PCGF5: variants seen among roughly 807,000 people sequenced by gnomAD.
PCGF5 encodes polycomb group ring finger 5, also known as polycomb group RING finger protein 5.
PCGF5 carries 9 observed loss-of-function variants against 44.3 expected under a neutral mutation model. The observed-to-expected ratio is 0.20, with a 90% confidence interval of 0.12 to 0.35. The LOEUF (loss-of-function observed/expected upper bound fraction) is 0.35. Among genes scored for constraint, PCGF5 ranks in the 10% least tolerant of loss-of-function variants. PCGF5 has a pLI of 1.00. For missense variants in PCGF5, 146 were observed against 305.3 expected, an observed-to-expected ratio of 0.48 and a Z score of 3.89; for synonymous variants, 95 against 102.5, an observed-to-expected ratio of 0.93 and a Z score of 0.44.
intron 7 of PCGF5, 23 bp from the exon 8 acceptor site, chr10:91,264,408 A>C: frequency 3.9e-6 from 6 of 1,537,844 alleles, no homozygotes; most frequent in Non-Finnish European, 5.3e-6. Flanking sequence ...ATGTTAATAG[A>C]TCTATAATGA....
intron 1 of PCGF5, among the ~76,000 whole-genome samples, chr10:91,168,314 G>A (rs1843536723): frequency 6.6e-6 from 1 of 152,090 alleles, no homozygotes; most frequent in Admixed American, 6.5e-5. Flanking sequence ...AGCAGGAGGG[G>A]GATGAGGAAA....
At chr10:91,161,681 T>C (rs115504314), upstream of PCGF5, among the ~76,000 whole-genome samples, 785 of 152,296 alleles carry the variant, frequency 5.2e-3, 12 homozygotes, top group African/African-American at 0.018. Context: ...GGAGGAGATA[T>C]AGAGACGCAG....
upstream of PCGF5, among the ~76,000 whole-genome samples, chr10:91,158,151 C>T (rs138063189): frequency 3.9e-5 from 6 of 152,254 alleles, no homozygotes; most frequent in African/African-American, 1.4e-4. Flanking sequence ...AAATGTGTAA[C>T]AATGAAAGTC....
At chr10:91,253,628 T>G (rs534014319) in intron 6 of PCGF5, among the ~76,000 whole-genome samples, 38 of 152,178 alleles carry the variant, frequency 2.5e-4, no homozygotes, top group African/African-American at 8.4e-4. Flanking sequence ...TGTTACTCTT[T>G]TCTTTCAACC....
intron 2 of PCGF5, among the ~76,000 whole-genome samples, chr10:91,224,049 A>G (rs1050510134): frequency 1.3e-5 from 2 of 152,178 alleles, no homozygotes; most frequent in African/African-American, 2.4e-5. Flanking sequence ...GCTAGATGGA[A>G]TAATCTGGAA....
intron 2 of PCGF5, among the ~76,000 whole-genome samples, chr10:91,238,718 T>C (rs1271292086): frequency 1.3e-5 from 2 of 150,464 alleles, no homozygotes; most frequent in Admixed American, 1.3e-4. Context: ...TCAGCTTCTC[T>C]GTCTTCTACT....
intron 1 of PCGF5, among the ~76,000 whole-genome samples, chr10:91,185,159 A>C (rs1843896204): frequency 6.6e-6 from 1 of 152,194 alleles, no homozygotes; most frequent in Non-Finnish European, 1.5e-5. Flanking sequence ...TCCTTCTGGG[A>C]ACTCTCTCCC....
At chr10:91,266,676 C>T (rs1846053997) in intron 8 of PCGF5, among the ~76,000 whole-genome samples, 1 of 152,138 alleles carries the variant, frequency 6.6e-6, no homozygotes, top group Admixed American at 6.5e-5. Context: ...ACCTGTTTCA[C>T]CCTCAGTCAT....
chr10:91,214,798 A>G (rs1844512984), intron 1 of PCGF5, among the ~76,000 whole-genome samples: 1 of 152,248 alleles, frequency 6.6e-6, no homozygotes, highest in Admixed American at 6.5e-5. Context: ...AAGGAAATGG[A>G]TCCAGAGAAA....
At chr10:91,174,066 C>T (rs530624386) in intron 1 of PCGF5, among the ~76,000 whole-genome samples, 8 of 151,220 alleles carry the variant, frequency 5.3e-5, no homozygotes, top group Non-Finnish European at 1.2e-4. Context: ...AGATTTTTCA[C>T]TGAATCCTTC....
chr10:91,248,360 C>T, intron 3 of PCGF5, 145 bp from the exon 4 acceptor site: 3 of 745,816 alleles, frequency 4.0e-6, no homozygotes, highest in Non-Finnish European at 6.7e-6. Flanking sequence ...AAGTGTGTTC[C>T]ATGGACAGAA....
intron 1 of PCGF5, among the ~76,000 whole-genome samples, chr10:91,195,554 G>A (rs930601069): frequency 4.6e-5 from 7 of 150,618 alleles, no homozygotes; most frequent in African/African-American, 1.7e-4. Context: ...GTGCAGTCAC[G>A]GCTCACTGCA....
chr10:91,275,572 C>T (rs1336326470), intron 9 of PCGF5, among the ~76,000 whole-genome samples: 4 of 150,316 alleles, frequency 2.7e-5, no homozygotes, highest in African/African-American at 9.8e-5. Context: ...TCCTTAGTAG[C>T]TGGGATTACA....
At chr10:91,187,556 G>A (rs1283278426) in intron 1 of PCGF5, among the ~76,000 whole-genome samples, 3 of 152,096 alleles carry the variant, frequency 2.0e-5, no homozygotes, top group Admixed American at 1.3e-4. Context: ...GCTATCGCTT[G>A]ATATAGGAAA....
chr10:91,199,022 T>G (rs1844197143), intron 1 of PCGF5, among the ~76,000 whole-genome samples: 1 of 152,222 alleles, frequency 6.6e-6, no homozygotes, highest in Non-Finnish European at 1.5e-5. Context: ...TTTATTGTTT[T>G]TGTTCAGAAA....
chr10:91,246,406 T>C lies in PCGF5; in HGVS notation c.210-2099T>C, dbSNP rs190337519. The stretch of plus-strand genomic sequence containing the variant: ...AAAGACAAGGAATTCTTGGGATAAT[T>C]GAATAAGCCAGTTGGCTAGAGAAGG... On this transcript the variant is annotated intron_variant, in intron 3 of 9. Transcript: ENST00000336126. Among the ~76,000 whole-genome samples the C allele has an allele frequency of 9.2e-4, 140 of 152,202 alleles. 3 individuals carry two copies. The highest frequency in any genetic ancestry group is 7.7e-3 in the Admixed American group (118 of 15,290).
chr10:91,282,855 A>C lies in PCGF5; in HGVS notation c.*4539A>C, dbSNP rs1444057522. ...AATGAATGAGTTTGCCATAACTTTA[A>C]TTTTCTGGATTAGAAACACAAAACT... On this transcript the variant is annotated 3_prime_UTR_variant, in exon 10 of 10. Coordinates refer to ENST00000336126, the MANE Select transcript of PCGF5 (RefSeq NM_032373.5). 1 of 152,646 alleles carries C rather than the reference A, an allele frequency of 6.6e-6. No homozygotes were observed. The highest frequency in any genetic ancestry group is 6.5e-5 in the Admixed American group (1 of 15,286). 9.5% of individuals were successfully genotyped at this position (152,646 alleles called of 1,614,324 possible).
intron 1 of PCGF5, among the ~76,000 whole-genome samples, chr10:91,200,019 C>T (rs376723741): frequency 5.3e-5 from 8 of 152,342 alleles, no homozygotes; most frequent in Non-Finnish European, 7.4e-5. Context: ...CTAGTCTACA[C>T]GCTTCAGGCT....
At position 91,278,409 on chromosome 10, in the gene PCGF5, C is replaced by A; in HGVS notation, c.*93C>A. On this transcript the variant is annotated 3_prime_UTR_variant, in exon 10 of 10. Transcript: ENST00000336126. ...GTTAACGGTGTGTGGACTAGAGGAA[C>A]ACAACCAGATTTTCAGCATGCAAAT... 8.9e-7 allele frequency: 1 copy of A among 1,129,412 alleles called. No homozygotes were observed. Among genetic ancestry groups the A allele is most frequent in the Non-Finnish European group, 1.3e-6 (1 of 746,782 alleles). The allele number at this position is 1,129,412 out of a possible 1,614,324, so 70.0% of individuals were successfully genotyped here.
Sources: allele counts gnomAD v4.1 joint callset (sites outside exome capture counted in the v4.1 genomes callset), GRCh38; gene constraint gnomAD v4.1.1; transcripts MANE v1.5; gene names NCBI Gene and HGNC (gene_info 2026-07-23, HGNC 2026-07-21).